Variants in IFT80 observed in about 807,000 individuals in gnomAD.
IFT80 encodes intraflagellar transport 80.
A neutral mutation model predicts 107.9 loss-of-function variants in IFT80; 79 were observed. The observed-to-expected ratio is 0.73, with a 90% CI of 0.61 to 0.88. The LOEUF (loss-of-function observed/expected upper bound fraction) is 0.88. Among genes scored for constraint, IFT80 ranks in the 40% least tolerant of loss-of-function variants. The probability of loss-of-function intolerance (pLI) is 0.00; values close to 1 mark genes in which losing one functional copy is unlikely to be tolerated. For missense variants in IFT80, 797 were observed against 914.2 expected, an observed-to-expected ratio of 0.87 and a Z score of 1.65; for synonymous variants, 299 against 300.9, an observed-to-expected ratio of 0.99 and a Z score of 0.07.
At chr3:160,333,869 A>C (rs1196646555) in intron 8 of IFT80, among the ~76,000 whole-genome samples, 1 of 152,204 alleles carries the variant, frequency 6.6e-6, no homozygotes, top group Non-Finnish European at 1.5e-5. Context: ...TATCACTATC[A>C]AGAATTATGT....
intron 12 of IFT80, among the ~76,000 whole-genome samples, chr3:160,298,676 G>A (rs773906011): frequency 5.3e-5 from 8 of 152,142 alleles, no homozygotes; most frequent in Non-Finnish European, 1.2e-4. Flanking sequence ...TCTGAGAAAT[G>A]TGCCGTTAGG....
intron 2 of IFT80, among the ~76,000 whole-genome samples, chr3:160,382,922 AGAATACT>A (rs1368486593): frequency 6.6e-6 from 1 of 152,202 alleles, no homozygotes; most frequent in Non-Finnish European, 1.5e-5. Flanking sequence ...AAGAGACACC[AGAATACT>A]CAAAACTCAA....
At chr3:160,267,886 A>C (rs559013263) in intron 19 of IFT80, among the ~76,000 whole-genome samples, 2 of 152,250 alleles carry the variant, frequency 1.3e-5, no homozygotes, top group African/African-American at 4.8e-5. Flanking sequence ...TTCTAATTAG[A>C]GTAATAAAAT....
intron 1 of IFT80, among the ~76,000 whole-genome samples, chr3:160,386,438 T>C (rs1661778933): frequency 6.6e-6 from 1 of 152,172 alleles, no homozygotes; most frequent in South Asian, 2.1e-4. Context: ...GGGGTTGGGT[T>C]TAGATAATAG....
intron 8 of IFT80, among the ~76,000 whole-genome samples, chr3:160,354,012 TTGAG>T (rs1466620899): frequency 2.0e-5 from 3 of 152,182 alleles, no homozygotes; most frequent in Non-Finnish European, 4.4e-5. Flanking sequence ...TAATAAATTG[TTGAG>T]TATCTACTGT....
intron 10 of IFT80, among the ~76,000 whole-genome samples, chr3:160,305,449 C>T (rs542906118): frequency 3.3e-5 from 5 of 152,200 alleles, no homozygotes; most frequent in South Asian, 2.1e-4. Flanking sequence ...AAGATATATG[C>T]TTTTGTACTT....
At chr3:160,343,568 G>A (rs1720072679) in intron 8 of IFT80, 1 of 153,032 alleles carries the variant, frequency 6.5e-6, no homozygotes, top group African/African-American at 2.4e-5. Flanking sequence ...AATTTATTAT[G>A]TAATATAGAA....
chr3:160,370,647 T>TA (rs1722170887), intron 5 of IFT80, among the ~76,000 whole-genome samples: 1 of 152,146 alleles, frequency 6.6e-6, no homozygotes, highest in Admixed American at 6.5e-5. Flanking sequence ...TAATGTAACT[T>TA]ACTCCCAAAT....
At chr3:160,320,642 T>G (rs902630162) in intron 8 of IFT80, among the ~76,000 whole-genome samples, 2 of 151,896 alleles carry the variant, frequency 1.3e-5, no homozygotes, top group African/African-American at 4.8e-5. Flanking sequence ...CATATGTTAT[T>G]TGCTAGGATG....
chr3:160,315,165 T>C (rs1717721398), intron 9 of IFT80, among the ~76,000 whole-genome samples: 1 of 151,942 alleles, frequency 6.6e-6, no homozygotes. Context: ...TAGAGCTCAC[T>C]GAATCCACAT....
At chr3:160,262,627 G>A (rs960565095) in intron 19 of IFT80, among the ~76,000 whole-genome samples, 2 of 152,124 alleles carry the variant, frequency 1.3e-5, no homozygotes, top group Non-Finnish European at 2.9e-5. Flanking sequence ...GCCCAGCCAC[G>A]GAGTAAGGTT....
chr3:160,274,098 A>T (rs1714046023), intron 18 of IFT80, among the ~76,000 whole-genome samples: 1 of 152,172 alleles, frequency 6.6e-6, no homozygotes, highest in Admixed American at 6.5e-5. Context: ...GATAGCAGGG[A>T]AAGTTTGAGG....
intron 8 of IFT80, among the ~76,000 whole-genome samples, chr3:160,326,187 G>T (rs1210721413): frequency 1.3e-5 from 2 of 151,936 alleles, no homozygotes; most frequent in Non-Finnish European, 2.9e-5. Context: ...CTCTGTTTTA[G>T]ATTACTCTAG....
At chr3:160,318,113 C>A (rs1717949523) in intron 9 of IFT80, among the ~76,000 whole-genome samples, 1 of 151,550 alleles carries the variant, frequency 6.6e-6, no homozygotes, top group Non-Finnish European at 1.5e-5. Flanking sequence ...GTAGATAGGA[C>A]ATGGACTGGG....
chr3:160,292,378 A>C lies in IFT80; in HGVS notation c.1316-6510T>G, dbSNP rs546567867. 3.9e-5 allele frequency among the ~76,000 whole-genome samples: 6 copies of C among 152,296 alleles called. No individual in the cohort carries two copies. The South Asian group carries it at 1.2e-3, about 32-fold the overall frequency. On this transcript the variant is annotated intron_variant, in intron 12 of 19. Coordinates refer to ENST00000326448, the MANE Select transcript of IFT80 (RefSeq NM_020800.3). ...AGTTAAAACAGTGGTTTTCTAAAACAGGGGAAAGTATGAAGAACTGGCTTG... is the reference window on the plus strand; with the variant it reads ...AGTTAAAACAGTGGTTTTCTAAAACCGGGGAAAGTATGAAGAACTGGCTTG...
intron 5 of IFT80, among the ~76,000 whole-genome samples, chr3:160,371,275 T>C (rs148804922): frequency 2.6e-5 from 4 of 152,274 alleles, no homozygotes; most frequent in East Asian, 3.9e-4. Flanking sequence ...CATTTCTTCA[T>C]TCTTCAAAGC....
Position 160,385,149 on chromosome 3 carries a change from G to A in IFT80, c.-46-503C>T, listed in dbSNP as rs114787099. On this transcript the variant is annotated intron_variant, in intron 1 of 19. Transcript: ENST00000326448. ...CTGCCCAACAGTTACGGTTACCACAGTGACAATGTGAAAAATAGGTGACTT... is the reference window on the plus strand; with the variant it reads ...CTGCCCAACAGTTACGGTTACCACAATGACAATGTGAAAAATAGGTGACTT... 2.6e-3 allele frequency among the ~76,000 whole-genome samples: 390 copies of A among 152,336 alleles called. 4 individuals carry two copies. Among genetic ancestry groups the A allele is most frequent in the African/African-American group, 8.6e-3 (356 of 41,572 alleles).
chr3:160,317,827 G>T (rs1361210596), intron 9 of IFT80, among the ~76,000 whole-genome samples: 1 of 151,912 alleles, frequency 6.6e-6, no homozygotes, highest in African/African-American at 2.4e-5. Context: ...AGAGATAGAA[G>T]GGGACTCTTC....
intron 18 of IFT80, among the ~76,000 whole-genome samples, chr3:160,269,016 G>A (rs1033586984): frequency 1.3e-5 from 2 of 152,050 alleles, no homozygotes; most frequent in African/African-American, 4.8e-5. Flanking sequence ...ATCACTTGAG[G>A]TCAGGAGTTC....
Sources: gnomAD v4.1 joint callset for allele counts (sites outside exome capture counted in the v4.1 genomes callset) on GRCh38, gnomAD v4.1.1 for gene constraint, MANE v1.5 for transcripts, NCBI Gene and HGNC (gene_info 2026-07-23, HGNC 2026-07-21) for gene names.